Variants in SMURF1 observed in about 807,000 individuals in gnomAD.
The protein encoded by SMURF1 is SMAD specific E3 ubiquitin protein ligase 1.
In SMURF1, 44 loss-of-function variants were observed where a neutral mutation model predicts 98.0. The observed-to-expected ratio is 0.45, with a 90% CI of 0.35 to 0.58. SMURF1 has a LOEUF of 0.58. Ranked by LOEUF, SMURF1 falls within the 20% of genes least tolerant of loss-of-function variation. The probability of loss-of-function intolerance (pLI) is 0.00; values close to 1 mark genes in which losing one functional copy is unlikely to be tolerated. For missense variants in SMURF1, 687 were observed against 938.4 expected, an observed-to-expected ratio of 0.73 and a Z score of 3.50; for synonymous variants, 396 against 374.9, an observed-to-expected ratio of 1.06 and a Z score of -0.65.
intron 1 of SMURF1, among the ~76,000 whole-genome samples, chr7:99,126,196 T>C (rs1797739737): frequency 6.6e-6 from 1 of 152,248 alleles, no homozygotes; most frequent in Admixed American, 6.5e-5. Flanking sequence ...CGAGCATGTA[T>C]GGCGTTGGTA....
At chr7:99,068,646 TCAACAACAAC>T (rs916398996) in intron 1 of SMURF1, among the ~76,000 whole-genome samples, 1 of 152,148 alleles carries the variant, frequency 6.6e-6, no homozygotes, top group Non-Finnish European at 1.5e-5. Context: ...TGCAAAAACA[TCAACAACAAC>T]AAACAACAAC....
chr7:99,062,772 C>T (rs1273322034), intron 1 of SMURF1, among the ~76,000 whole-genome samples: 1 of 152,008 alleles, frequency 6.6e-6, no homozygotes, highest in African/African-American at 2.4e-5. Flanking sequence ...CACTTAAACC[C>T]GGGAGGCAGA....
intron 16 of SMURF1, among the ~76,000 whole-genome samples, chr7:99,033,725 T>C (rs988363453): frequency 6.6e-6 from 1 of 152,208 alleles, no homozygotes; most frequent in African/African-American, 2.4e-5. Context: ...GTCAGAGCTA[T>C]TTGTACCCAC....
rs1436133694 is a variant in SMURF1, at chr7:99,030,426, C to T, written c.*158G>A. ...TGGGTGGGAGCCACCAACAAAAGTC[C>T]CCCATCCCCCTCCCCCAACAGAAAG... On this transcript the variant is annotated 3_prime_UTR_variant, in exon 18 of 18. Coordinates refer to ENST00000361368, the MANE Select transcript of SMURF1 (RefSeq NM_181349.3). 3 of 638,716 alleles carry T rather than the reference C, an allele frequency of 4.7e-6. No homozygotes were observed. Among genetic ancestry groups the T allele is most frequent in the South Asian group, 1.9e-5 (1 of 52,888 alleles). 39.6% of individuals were successfully genotyped at this position (638,716 alleles called of 1,614,324 possible). A position where few individuals can be genotyped will look rare whatever the true frequency, so the allele number is the denominator to read the frequency against.
chr7:99,062,540 T>C (rs1435262865), intron 1 of SMURF1, among the ~76,000 whole-genome samples: 1 of 152,056 alleles, frequency 6.6e-6, no homozygotes, highest in Non-Finnish European at 1.5e-5. Context: ...CAAAAAATGA[T>C]AAAATGCACG....
chr7:99,061,765 A>G (rs775731888), intron 2 of SMURF1, 34 bp downstream of exon 2: 29 of 1,549,926 alleles, frequency 1.9e-5, no homozygotes, highest in Non-Finnish European at 2.6e-5. Context: ...CATGCATAAC[A>G]TTATAAGAGG....
At chr7:99,081,481 G>A (rs776916203) in intron 1 of SMURF1, 3 of 152,162 alleles carry the variant, frequency 2.0e-5, no homozygotes, top group Non-Finnish European at 4.4e-5. Flanking sequence ...TAATTCTCTT[G>A]AGGATTCTGC....
chr7:99,039,091 G>A (rs531348173), intron 13 of SMURF1, among the ~76,000 whole-genome samples: 10 of 149,472 alleles, frequency 6.7e-5, no homozygotes, highest in South Asian at 6.4e-4. Flanking sequence ...TACTCAGGAA[G>A]CTGAGGCAGG....
chr7:99,084,573 A>G (rs1352992936), intron 1 of SMURF1, among the ~76,000 whole-genome samples: 1 of 152,182 alleles, frequency 6.6e-6, no homozygotes, highest in Non-Finnish European at 1.5e-5. Flanking sequence ...ATAAACATCA[A>G]TAGCCCGTGA....
At chr7:99,061,289 T>C (rs1380650040) in intron 2 of SMURF1, among the ~76,000 whole-genome samples, 2 of 152,166 alleles carry the variant, frequency 1.3e-5, no homozygotes, top group African/African-American at 2.4e-5. Flanking sequence ...GATCAGAAAG[T>C]GTGTGAAGAA....
intron 1 of SMURF1, among the ~76,000 whole-genome samples, chr7:99,088,130 C>T (rs1177039807): frequency 5.9e-5 from 9 of 151,750 alleles, no homozygotes; most frequent in Admixed American, 1.3e-4. Context: ...TGGTGGCAGG[C>T]GCCTGTAATC....
At chr7:99,036,948 C>T in intron 15 of SMURF1, 119 bp downstream of exon 15, 1 of 1,489,144 alleles carries the variant, frequency 6.7e-7, no homozygotes, top group Non-Finnish European at 9.2e-7. Context: ...TCTGGGAACC[C>T]CAGCAGCTCC....
At chr7:99,063,277 A>ATATATATATAAGATT (rs1796103008) in intron 1 of SMURF1, among the ~76,000 whole-genome samples, 1 of 20,300 alleles carries the variant, frequency 4.9e-5, no homozygotes, top group Non-Finnish European at 1.1e-4. Flanking sequence ...ATATATATAT[A>ATATATATATAAGATT]TATATATATA....
At chr7:99,096,581 T>C (rs1235596800) in intron 1 of SMURF1, among the ~76,000 whole-genome samples, 15 of 152,158 alleles carry the variant, frequency 9.9e-5, no homozygotes, top group Admixed American at 9.2e-4. Flanking sequence ...AGACAGTACA[T>C]AATAATAAAA....
chr7:99,066,044 CAAAA>C (rs35565503), intron 1 of SMURF1, among the ~76,000 whole-genome samples: 2 of 136,032 alleles, frequency 1.5e-5, no homozygotes, highest in African/African-American at 2.7e-5. Context: ...GATTCCGTCT[CAAAA>C]AAAAAAAAAG....
At chr7:99,078,281 G>GAAAAAA (rs758770830) in intron 1 of SMURF1, among the ~76,000 whole-genome samples, 1 of 106,436 alleles carries the variant, frequency 9.4e-6, no homozygotes, top group African/African-American at 3.4e-5. Flanking sequence ...CAGCCTGGGC[G>GAAAAAA]AAAAAAAAAA....
chr7:99,122,365 C>T (rs764625363), intron 1 of SMURF1, among the ~76,000 whole-genome samples: 4 of 150,464 alleles, frequency 2.7e-5, no homozygotes, highest in South Asian at 2.1e-4. Context: ...AAAAAAAGGC[C>T]GGGCGCAGTG....
chr7:99,037,525 C>T lies in SMURF1; in HGVS notation c.1689-338G>A, dbSNP rs976122236. Among the ~76,000 whole-genome samples the T allele has an allele frequency of 6.6e-5, 10 of 152,338 alleles. No homozygotes were observed. The East Asian group carries it at 1.9e-3, about 29-fold the overall frequency. ...AAGTGTTGGGATTACAGGCATGAGC[C>T]ACTGCGCCCGACCTGTGAGCAGGTT... is the stretch of plus-strand genomic sequence containing the variant. On this transcript the variant is annotated intron_variant, in intron 14 of 17. Coordinates refer to ENST00000361368, the MANE Select transcript of SMURF1 (RefSeq NM_181349.3).
At chr7:99,031,891 C>T (rs1314110133) in intron 17 of SMURF1, among the ~76,000 whole-genome samples, 3 of 152,190 alleles carry the variant, frequency 2.0e-5, no homozygotes, top group Non-Finnish European at 4.4e-5. Context: ...TGTGGCTACT[C>T]GTCTCAATGG....
Sources: allele counts gnomAD v4.1 joint callset (sites outside exome capture counted in the v4.1 genomes callset), GRCh38; gene constraint gnomAD v4.1.1; transcripts MANE v1.5; gene names NCBI Gene and HGNC (gene_info 2026-07-23, HGNC 2026-07-21).